MS4A6E: variants seen among roughly 807,000 people sequenced by gnomAD.
MS4A6E encodes membrane-spanning 4-domains subfamily A member 6E.
MS4A6E carries 8 observed loss-of-function variants against 13.2 expected under a neutral mutation model. That is an observed-to-expected ratio of 0.60 (90% CI 0.35 to 1.09). MS4A6E has a LOEUF of 1.09. MS4A6E is among the 50% of genes least tolerant of loss of function. The pLI, the probability that MS4A6E is intolerant of heterozygous loss-of-function variation, is 0.02. For synonymous variants in MS4A6E, 72 were observed against 67.6 expected (o/e 1.06, Z -0.32); for missense variants, 177 against 171.1 (o/e 1.03, Z -0.19).
Position 60,337,838 on chromosome 11 carries a change from C to CA in MS4A6E, c.246dup (p.Leu83IlefsTer4), listed in dbSNP as rs749552001. Reference sequence around the variant, plus strand: ...AACCCGGCTGCATTAAATCCTGCCTCATTGCAGTGTAAGTTGGACGAAAAG... The same window carrying CA: ...AACCCGGCTGCATTAAATCCTGCCTCAATTGCAGTGTAAGTTGGACGAAAAG... On this transcript the variant is annotated frameshift_variant, in exon 3 of 5. Coordinates refer to ENST00000684409, the MANE Select transcript of MS4A6E (RefSeq NM_139249.4). LOFTEE classifies it high-confidence loss of function. 17 of 1,614,066 alleles carry CA rather than the reference C, an allele frequency of 1.1e-5. No individual in the cohort carries two copies. The South Asian group carries it at 1.8e-4, about 17-fold the overall frequency.
chr11:60,335,214 T>C (rs1373554974), intron 2 of MS4A6E, among the ~76,000 whole-genome samples, 172 bp downstream of exon 2: 2 of 152,200 alleles, frequency 1.3e-5, no homozygotes, highest in Non-Finnish European at 1.5e-5. Flanking sequence ...CACAGGAGAT[T>C]GTCTTAGAAA....
At chr11:60,335,959 G>T (rs781324930) in intron 2 of MS4A6E, among the ~76,000 whole-genome samples, 8 of 152,146 alleles carry the variant, frequency 5.3e-5, no homozygotes, top group Non-Finnish European at 1.0e-4. Flanking sequence ...CCTTTCAGAG[G>T]GTGGAGGGTG....
At chr11:60,339,665 CCTTCT>C (rs1004968835) in intron 3 of MS4A6E, among the ~76,000 whole-genome samples, 196 bp from the exon 4 acceptor site, 34 of 152,262 alleles carry the variant, frequency 2.2e-4, no homozygotes, top group African/African-American at 8.2e-4. Flanking sequence ...ACTCATCTTC[CCTTCT>C]CTTCTCAAGA....
chr11:60,344,119 T>C (rs550935196), downstream of MS4A6E, among the ~76,000 whole-genome samples: 4 of 152,322 alleles, frequency 2.6e-5, no homozygotes, highest in South Asian at 6.2e-4. Context: ...TAGAAAATCA[T>C]TGGTAAGGAA....
chr11:60,344,207 C>G (rs945425786), downstream of MS4A6E, among the ~76,000 whole-genome samples: 1 of 152,138 alleles, frequency 6.6e-6, no homozygotes, highest in Non-Finnish European at 1.5e-5. Flanking sequence ...TAGACCACAG[C>G]GGGGAGTTAT....
At chr11:60,332,684 C>T (rs1200877094) in intron 1 of MS4A6E, among the ~76,000 whole-genome samples, 1 of 152,204 alleles carries the variant, frequency 6.6e-6, no homozygotes, top group Non-Finnish European at 1.5e-5. Context: ...GAACCATCAA[C>T]CTTGTCAAAA....
intron 4 of MS4A6E, among the ~76,000 whole-genome samples, chr11:60,346,813 T>C (rs929235607): frequency 6.6e-6 from 1 of 152,218 alleles, no homozygotes; most frequent in African/African-American, 2.4e-5. Flanking sequence ...ATAAAAAACA[T>C]GTTGTTCATC....
Position 60,331,653 on chromosome 11 carries a change from G to A in MS4A6E, c.-14-3229G>A, listed in dbSNP as rs190188932. Among the ~76,000 whole-genome samples, 5 of 152,298 alleles carry A rather than the reference G, an allele frequency of 3.3e-5. No individual in the cohort carries two copies. In the East Asian group the frequency reaches 9.6e-4, roughly 29 times the overall value. On this transcript the variant is annotated intron_variant, in intron 1 of 4. Coordinates refer to ENST00000684409, the MANE Select transcript of MS4A6E (RefSeq NM_139249.4). ...TCACATAAGGATGAACATAATAACAGTTTATTTCAATTTTGGTGGTGGTTA... is the reference window on the plus strand; with the variant it reads ...TCACATAAGGATGAACATAATAACAATTTATTTCAATTTTGGTGGTGGTTA...
chr11:60,342,418 A>T (rs1025643427), downstream of MS4A6E, among the ~76,000 whole-genome samples: 5 of 152,134 alleles, frequency 3.3e-5, no homozygotes, highest in African/African-American at 1.2e-4. Context: ...TTAATGGCTA[A>T]AAGAAAGAAG....
At chr11:60,341,610 C>T (rs2085226174), downstream of MS4A6E, among the ~76,000 whole-genome samples, 1 of 152,176 alleles carries the variant, frequency 6.6e-6, no homozygotes, top group Non-Finnish European at 1.5e-5. Context: ...CACACACACA[C>T]ACACGTGTAA....
chr11:60,335,190 TC>T, intron 2 of MS4A6E, 148 bp downstream of exon 2: 1 of 1,138,508 alleles, frequency 8.8e-7, no homozygotes, highest in Non-Finnish European at 1.2e-6. Context: ...GAGAAAACTG[TC>T]CCAGAACTTT....
rs565823777 is a variant in MS4A6E at position 60,330,072 on chromosome 11, G to T, written c.-15+2664G>T. Among the ~76,000 whole-genome samples the T allele has an allele frequency of 4.0e-5, 6 of 150,408 alleles. No homozygotes were observed. In the South Asian group the frequency reaches 1.3e-3, roughly 32 times the overall value. On this transcript the variant is annotated intron_variant, in intron 1 of 4. Transcript: ENST00000684409. ...GATCTCCTGACCTCATGATCCATCC[G>T]TCTTGGCCTCCTAAAGTGCTGGGAT...
rs2085197358 is a variant in MS4A6E, at chr11:60,337,743, G to T, written c.150G>T (p.Val50=). 2 of 1,614,070 alleles carry T rather than the reference G, an allele frequency of 1.2e-6. No individual in the cohort carries two copies. Among genetic ancestry groups the T allele is most frequent in the Admixed American group, 1.7e-5 (1 of 60,008 alleles). Residue 50 remains valine, a splice_region_variant and synonymous_variant, in exon 3 of 5, where the codon GTG becomes GTT. Transcript: ENST00000684409. ...CTTACCCAGCATGTCTCTTTCAGGTGCATAGCAGCCTGGCTGGAAGCATTC... is the reference window on the plus strand; with the variant it reads ...CTTACCCAGCATGTCTCTTTCAGGTTCATAGCAGCCTGGCTGGAAGCATTC... ...RLQAKVKVIG[V]HSSLAGSILS...
In MS4A6E at chr11:60,346,815, T is replaced by C. The variant is rs143196797; in HGVS notation, c.*162+5887T>C. 1.2e-3 allele frequency among the ~76,000 whole-genome samples: 184 copies of C among 152,318 alleles called. 2 individuals carry two copies. The highest frequency in any genetic ancestry group is 4.3e-3 in the African/African-American group (179 of 41,568). ...TTTTCAGTCTACTATAAAAAACATG[T>C]TGTTCATCTCCAAATTTCTCTGCTA... On this transcript the variant is annotated intron_variant and NMD_transcript_variant, in intron 4 of 4. Coordinates refer to the MS4A6E transcript ENST00000532756.
At position 60,339,903 on chromosome 11, in the gene MS4A6E, A is replaced by AGT; in HGVS notation, c.393_394dup (p.Phe132CysfsTer4). 6.2e-7 allele frequency: 1 copy of AGT among 1,613,816 alleles called. No individual in the cohort carries two copies. On this transcript the variant is annotated frameshift_variant, in exon 4 of 5. Transcript: ENST00000684409. LOFTEE classifies it high-confidence loss of function. Reference sequence around the variant, plus strand: ...CTGATGCTGGTTTCTACTGTGTTGGAGTTCTGCCTAGCTGTGCTCACTGCT... The same window carrying AGT: ...CTGATGCTGGTTTCTACTGTGTTGGAGTGTTCTGCCTAGCTGTGCTCACTGCT...
chr11:60,342,173 GTGTGTGAGAGAGAGAGAGAGAGAGA>G (rs1565157550), downstream of MS4A6E, among the ~76,000 whole-genome samples: 9 of 32,816 alleles, frequency 2.7e-4, no homozygotes, highest in African/African-American at 8.6e-4. Flanking sequence ...GTGTGTGTGT[GTGTGTGAGAGAGAGAGAGAGAGAGA>G]GAGGGGGGGG....
chr11:60,348,497 G>A (rs1031361564), intron 4 of MS4A6E, among the ~76,000 whole-genome samples: 10 of 152,184 alleles, frequency 6.6e-5, no homozygotes, highest in Admixed American at 6.5e-4. Flanking sequence ...ATAAAAATCT[G>A]TGCAGCATTG....
intron 4 of MS4A6E, among the ~76,000 whole-genome samples, chr11:60,347,878 C>A (rs773121616): frequency 1.3e-5 from 2 of 152,138 alleles, no homozygotes; most frequent in African/African-American, 4.8e-5. Flanking sequence ...AAAGATGGAT[C>A]TTGGGAAAGG....
At chr11:60,342,420 AG>A (rs1441116949), downstream of MS4A6E, among the ~76,000 whole-genome samples, 3 of 152,132 alleles carry the variant, frequency 2.0e-5, no homozygotes, top group Non-Finnish European at 4.4e-5. Context: ...AATGGCTAAA[AG>A]AAAGAAGAGT....
Sources: gnomAD v4.1 joint callset for allele counts (sites outside exome capture counted in the v4.1 genomes callset) on GRCh38, gnomAD v4.1.1 for gene constraint, MANE v1.5 for transcripts, NCBI Gene and HGNC (gene_info 2026-07-23, HGNC 2026-07-21) for gene names.